Variants in CYP39A1 observed in about 807,000 individuals in gnomAD.
CYP39A1 encodes cytochrome P450 family 39 subfamily A member 1, also known as 24-hydroxycholesterol 7-alpha-hydroxylase.
In CYP39A1, 49 loss-of-function variants were observed where a neutral mutation model predicts 58.1. That is an observed-to-expected ratio of 0.84 (90% CI 0.67 to 1.07). CYP39A1 has a LOEUF of 1.07. Ranked by LOEUF, CYP39A1 falls within the 50% of genes least tolerant of loss-of-function variation. The pLI is 0.00. For missense variants in CYP39A1, 531 were observed against 539.4 expected, an observed-to-expected ratio of 0.98 and a Z score of 0.16; for synonymous variants, 209 against 187.6, an observed-to-expected ratio of 1.11 and a Z score of -0.93.
intron 7 of CYP39A1, among the ~76,000 whole-genome samples, chr6:46,597,592 AT>A (rs1773244764): frequency 6.6e-6 from 1 of 152,118 alleles, no homozygotes; most frequent in African/African-American, 2.4e-5. Flanking sequence ...AGGGAGGTGA[AT>A]GGGTGGATAT....
intron 10 of CYP39A1, among the ~76,000 whole-genome samples, chr6:46,566,660 C>T (rs939166951): frequency 3.9e-5 from 6 of 151,974 alleles, no homozygotes; most frequent in African/African-American, 1.2e-4. Context: ...ACTATATCAG[C>T]TTCTTATTAA....
chr6:46,598,121 T>C (rs924260446), intron 7 of CYP39A1, among the ~76,000 whole-genome samples: 2 of 152,148 alleles, frequency 1.3e-5, no homozygotes, highest in African/African-American at 4.8e-5. Flanking sequence ...AAAAGGTTCA[T>C]GGGCAACCAA....
At chr6:46,607,162 G>C (rs756628170) in intron 7 of CYP39A1, among the ~76,000 whole-genome samples, 1 of 151,914 alleles carries the variant, frequency 6.6e-6, no homozygotes, top group African/African-American at 2.4e-5. Context: ...AGAAACACAC[G>C]GCCACTGCCT....
chr6:46,565,851 C>T (rs549459131), intron 10 of CYP39A1, among the ~76,000 whole-genome samples: 1 of 152,288 alleles, frequency 6.6e-6, no homozygotes, highest in East Asian at 1.9e-4. Context: ...CATCATTACC[C>T]TATGCTTATG....
chr6:46,651,432 G>A (rs1013468404), intron 1 of CYP39A1, among the ~76,000 whole-genome samples: 1 of 152,078 alleles, frequency 6.6e-6, no homozygotes, highest in Non-Finnish European at 1.5e-5. Flanking sequence ...GCACATAAAA[G>A]AGTATTATAC....
In CYP39A1 at chr6:46,652,485, T is replaced by C. The variant is rs751891373; in HGVS notation, c.98A>G (p.Lys33Arg). 6.8e-6 allele frequency: 11 copies of C among 1,613,836 alleles called. No individual in the cohort carries two copies. Among genetic ancestry groups the C allele is most frequent in the South Asian group, 3.3e-5 (3 of 91,012 alleles). ...RKNLRRPPCI[K>R]GWIPWIGVGF... ...AACTCCAATCCAAGGAATCCAGCCC[T>C]TGATGCACGGGGGTCTACGCAAATT... Residue 33 changes from lysine to arginine, a missense_variant, in exon 1 of 12, where the codon AAG (lysine) becomes AGG (arginine). Lys to Arg is a conservative substitution (Grantham distance 26). Transcript: ENST00000275016.
chr6:46,613,802 C>T (rs553360026), intron 7 of CYP39A1, among the ~76,000 whole-genome samples: 1 of 150,218 alleles, frequency 6.7e-6, no homozygotes, highest in East Asian at 2.0e-4. Flanking sequence ...ACACAGCCTA[C>T]ACAGGAGCTA....
At chr6:46,600,910 T>G (rs1340375871) in intron 7 of CYP39A1, among the ~76,000 whole-genome samples, 2 of 152,172 alleles carry the variant, frequency 1.3e-5, no homozygotes, top group Non-Finnish European at 2.9e-5. Flanking sequence ...TCCCGATTTG[T>G]AGACAAGTTG....
chr6:46,630,020 C>T (rs751680517), intron 6 of CYP39A1, among the ~76,000 whole-genome samples: 56 of 151,832 alleles, frequency 3.7e-4, no homozygotes, highest in Non-Finnish European at 5.1e-4. Flanking sequence ...CGCTTGAACC[C>T]GGGAAGCAGA....
intron 10 of CYP39A1, among the ~76,000 whole-genome samples, chr6:46,568,105 G>C (rs1048182821): frequency 1.2e-4 from 18 of 152,030 alleles, no homozygotes; most frequent in Non-Finnish European, 2.2e-4. Flanking sequence ...ACTTTCACAG[G>C]TATAAGGTGG....
At chr6:46,595,452 G>A (rs758014449) in intron 8 of CYP39A1, among the ~76,000 whole-genome samples, 1 of 151,880 alleles carries the variant, frequency 6.6e-6, no homozygotes, top group Non-Finnish European at 1.5e-5. Context: ...AATGAAACTA[G>A]AAAACATTTT....
intron 7 of CYP39A1, among the ~76,000 whole-genome samples, chr6:46,622,400 T>C (rs1446569723): frequency 6.6e-6 from 1 of 151,984 alleles, no homozygotes; most frequent in African/African-American, 2.4e-5. Context: ...AACTTATAGC[T>C]CAAGATGACA....
At chr6:46,641,987 A>G (rs1231640341) in intron 2 of CYP39A1, among the ~76,000 whole-genome samples, 176 bp downstream of exon 2, 2 of 152,200 alleles carry the variant, frequency 1.3e-5, no homozygotes, top group Non-Finnish European at 2.9e-5. Flanking sequence ...ATTCATTTGC[A>G]TTTCAATGGC....
chr6:46,581,082 A>G (rs528254398), intron 10 of CYP39A1, among the ~76,000 whole-genome samples: 38 of 152,320 alleles, frequency 2.5e-4, no homozygotes, highest in African/African-American at 7.9e-4. Flanking sequence ...CATGAAATCA[A>G]CCTAGATGCC....
At chr6:46,601,732 G>A (rs1245895772) in intron 7 of CYP39A1, among the ~76,000 whole-genome samples, 1 of 150,932 alleles carries the variant, frequency 6.6e-6, no homozygotes. Context: ...TGTTGGCCAG[G>A]CTAGTCTCCA....
chr6:46,569,099 C>A (rs1473516702), intron 10 of CYP39A1, among the ~76,000 whole-genome samples: 1 of 152,036 alleles, frequency 6.6e-6, no homozygotes, highest in Non-Finnish European at 1.5e-5. Context: ...CTTTCACCTT[C>A]TTGGTTTAGC....
intron 7 of CYP39A1, among the ~76,000 whole-genome samples, chr6:46,606,709 C>T (rs567839716): frequency 3.9e-5 from 6 of 152,134 alleles, no homozygotes; most frequent in Admixed American, 1.3e-4. Context: ...ATGATTCTTG[C>T]GTTCAGAAAT....
In CYP39A1 at chr6:46,625,462, T is replaced by C. The variant is rs1433903363; in HGVS notation, c.887A>G (p.His296Arg). ...LAYVLSHPDI[H>R]KAIMEGISSV... ...AGATATGCCTTCCATAATGGCCTTG[T>C]GGATATCAGGATGAGAAAGGACGTA... Residue 296 changes from histidine (H) to arginine (R), a missense_variant, in exon 7 of 12, where the codon CAC becomes CGC. By Grantham distance (29) the His-to-Arg change is conservative (BLOSUM62 0). Transcript: ENST00000275016. The C allele has an allele frequency of 1.2e-6, 2 of 1,611,388 alleles. No individual in the cohort carries two copies. Among genetic ancestry groups the C allele is most frequent in the Admixed American group, 1.7e-5 (1 of 59,886 alleles).
At chr6:46,567,561 G>A (rs976052110) in intron 10 of CYP39A1, among the ~76,000 whole-genome samples, 4 of 151,978 alleles carry the variant, frequency 2.6e-5, no homozygotes, top group African/African-American at 9.7e-5. Flanking sequence ...TTCCATAGCA[G>A]CTGTTCCATT....
Sources: gnomAD v4.1 joint callset for allele counts (sites outside exome capture counted in the v4.1 genomes callset) on GRCh38, gnomAD v4.1.1 for gene constraint, MANE v1.5 for transcripts, NCBI Gene and HGNC (gene_info 2026-07-23, HGNC 2026-07-21) for gene names.